FHIT: variants seen among roughly 807,000 people sequenced by gnomAD.
The protein encoded by FHIT is fragile histidine triad diadenosine triphosphatase.
Under a neutral mutation model 17.9 loss-of-function variants are expected in FHIT, and 19 were observed. The ratio of observed to expected loss-of-function variants is 1.06; its 90% confidence interval spans 0.74 to 1.56. The LOEUF (loss-of-function observed/expected upper bound fraction) is 1.56. FHIT is among the 40% of genes most tolerant of loss of function. The probability of loss-of-function intolerance (pLI) is 0.00; values close to 1 mark genes in which losing one functional copy is unlikely to be tolerated. For synonymous variants in FHIT, 81 were observed against 69.7 expected (o/e 1.16, Z -0.81); for missense variants, 248 against 189.2 (o/e 1.31, Z -1.82).
chr3:59,957,168 CA>C (rs1262536889), intron 7 of FHIT, among the ~76,000 whole-genome samples: 3 of 152,156 alleles, frequency 2.0e-5, no homozygotes, highest in Admixed American at 6.5e-5. Context: ...TAATTGGAGG[CA>C]GGGGCTTTAA....
chr3:60,774,363 T>G (rs1553723929), intron 4 of FHIT, among the ~76,000 whole-genome samples: 1 of 152,174 alleles, frequency 6.6e-6, no homozygotes, highest in African/African-American at 2.4e-5. Flanking sequence ...TGCAATGGTG[T>G]GATCTCAGCT....
At chr3:60,821,725 A>G (rs1701936783) in intron 4 of FHIT, among the ~76,000 whole-genome samples, 194 bp downstream of exon 4, 1 of 152,186 alleles carries the variant, frequency 6.6e-6, no homozygotes, top group African/African-American at 2.4e-5. Flanking sequence ...TTATACCCCA[A>G]TTTTTAAAAT....
At chr3:59,993,459 G>T (rs946879731) in intron 7 of FHIT, among the ~76,000 whole-genome samples, 1 of 151,938 alleles carries the variant, frequency 6.6e-6, no homozygotes, top group African/African-American at 2.4e-5. Flanking sequence ...TTTAAGAGAG[G>T]TGTTCATTCA....
At chr3:61,179,198 C>T (rs1413077003) in intron 2 of FHIT, among the ~76,000 whole-genome samples, 1 of 151,656 alleles carries the variant, frequency 6.6e-6, no homozygotes, top group Admixed American at 6.6e-5. Context: ...TTAGTAGAGA[C>T]GGGGTTTCAC....
intron 4 of FHIT, among the ~76,000 whole-genome samples, chr3:60,596,825 T>C (rs2038287316): frequency 6.6e-6 from 1 of 152,160 alleles, no homozygotes; most frequent in African/African-American, 2.4e-5. Flanking sequence ...CTTACCATCA[T>C]CATCAAGAGA....
chr3:59,779,868 C>G (rs2166791), intron 8 of FHIT, among the ~76,000 whole-genome samples: 5,737 of 152,288 alleles, frequency 0.038, 151 homozygotes, highest in South Asian at 0.09. Flanking sequence ...TAAGGAAACT[C>G]CCATCCCATG....
intron 5 of FHIT, among the ~76,000 whole-genome samples, chr3:60,389,629 G>A (rs1198974342): frequency 2.0e-5 from 3 of 152,116 alleles, no homozygotes; most frequent in African/African-American, 4.8e-5. Flanking sequence ...CACTTCACCT[G>A]TAAGAGCAAA....
chr3:60,095,428 A>G (rs1295578564), intron 5 of FHIT, among the ~76,000 whole-genome samples: 1 of 152,192 alleles, frequency 6.6e-6, no homozygotes, highest in Non-Finnish European at 1.5e-5. Context: ...TGTACATTTC[A>G]GAGAAAATTG....
At chr3:60,171,832 A>T (rs1486545944) in intron 5 of FHIT, among the ~76,000 whole-genome samples, 1 of 151,506 alleles carries the variant, frequency 6.6e-6, no homozygotes, top group Non-Finnish European at 1.5e-5. Flanking sequence ...CAGCCTCCCA[A>T]ATAGTTAGGA....
rs1166250070 is a variant in FHIT at position 60,730,235 on chromosome 3, T to G, written c.-18+91684A>C. On this transcript the variant is annotated intron_variant, in intron 4 of 9. Transcript: ENST00000492590. ...TCCTCTTTGTGCTGTACAGCTGTCA[T>G]GGCCACAGCCAGCTCACTGATCATT... The G allele has an allele frequency of 1.4e-5, 4 of 276,088 alleles. No homozygotes were observed. The Admixed American group carries it at 1.7e-4, about 12-fold the overall frequency. 17.1% of individuals were successfully genotyped at this position (276,088 alleles called of 1,614,324 possible). A position where few individuals can be genotyped will look rare whatever the true frequency, so the allele number is the denominator to read the frequency against.
At chr3:60,552,006 C>G (rs2036576103) in intron 4 of FHIT, among the ~76,000 whole-genome samples, 1 of 152,042 alleles carries the variant, frequency 6.6e-6, no homozygotes, top group Admixed American at 6.6e-5. Context: ...CTCTAGCCCA[C>G]AGCCCCTGGC....
chr3:60,258,282 AG>A (rs1172319531), intron 5 of FHIT, among the ~76,000 whole-genome samples: 1 of 152,192 alleles, frequency 6.6e-6, no homozygotes, highest in East Asian at 1.9e-4. Flanking sequence ...CTGTGCTCCC[AG>A]AAAACCAGAA....
At chr3:60,666,549 TATATC>T (rs1404339028) in intron 4 of FHIT, among the ~76,000 whole-genome samples, 2 of 152,216 alleles carry the variant, frequency 1.3e-5, no homozygotes, top group African/African-American at 4.8e-5. Flanking sequence ...TTAATTATGA[TATATC>T]ATAGCACAGA....
intron 3 of FHIT, among the ~76,000 whole-genome samples, chr3:60,822,492 T>A (rs782264888): frequency 3.3e-5 from 5 of 152,124 alleles, no homozygotes; most frequent in Non-Finnish European, 5.9e-5. Context: ...AACTCTGGTG[T>A]CCACAGAATC....
chr3:61,184,175 GC>G (rs1439537676), intron 2 of FHIT, among the ~76,000 whole-genome samples: 1 of 152,052 alleles, frequency 6.6e-6, no homozygotes, highest in Admixed American at 6.5e-5. Context: ...TTCAGCTGTT[GC>G]CCCTCCAAGC....
chr3:60,877,648 C>T (rs138459536), intron 3 of FHIT, among the ~76,000 whole-genome samples: 2 of 152,258 alleles, frequency 1.3e-5, no homozygotes, highest in Admixed American at 1.3e-4. Context: ...GAATCATTGC[C>T]TTGGTCAAGT....
At chr3:60,207,312 A>G (rs1418098247) in intron 5 of FHIT, among the ~76,000 whole-genome samples, 1 of 152,144 alleles carries the variant, frequency 6.6e-6, no homozygotes, top group Non-Finnish European at 1.5e-5. Context: ...AAAATATAAG[A>G]CAGCCATCTC....
At chr3:60,612,675 G>A (rs1553674126) in intron 4 of FHIT, among the ~76,000 whole-genome samples, 1 of 152,088 alleles carries the variant, frequency 6.6e-6, no homozygotes, top group African/African-American at 2.4e-5. Flanking sequence ...TTAAAAGAAG[G>A]GATATCATTC....
In FHIT at chr3:60,690,558, G is replaced by A. The variant is rs1365732478; in HGVS notation, c.-18+131361C>T. 3 of 551,178 alleles carry A rather than the reference G, an allele frequency of 5.4e-6. No homozygotes were observed. The East Asian group carries it at 1.4e-4, about 26-fold the overall frequency. The allele number at this position is 551,178 out of a possible 1,614,324, so 34.1% of individuals were successfully genotyped here. ...GACATACAAACCCTGGAATAATTCT[G>A]TGAAAGCAGTAACCCTCATAATCAA... On this transcript the variant is annotated intron_variant, in intron 4 of 9. Transcript: ENST00000492590.
Sources: gnomAD v4.1 joint callset for allele counts (sites outside exome capture counted in the v4.1 genomes callset) on GRCh38, gnomAD v4.1.1 for gene constraint, MANE v1.5 for transcripts, NCBI Gene and HGNC (gene_info 2026-07-23, HGNC 2026-07-21) for gene names.